Variants in POU2F1 observed in about 807,000 individuals in gnomAD.
POU2F1 encodes the protein POU class 2 homeobox 1, also known as POU domain, class 2, transcription factor 1.
A neutral mutation model predicts 84.9 loss-of-function variants in POU2F1; 16 were observed. The observed-to-expected ratio is 0.19, with a 90% CI of 0.13 to 0.29. The LOEUF is 0.29. Among genes scored for constraint, POU2F1 ranks in the 10% least tolerant of loss-of-function variants. The pLI is 1.00. For missense variants in POU2F1, 738 were observed against 942.6 expected, an observed-to-expected ratio of 0.78 and a Z score of 2.84; for synonymous variants, 368 against 368.3, an observed-to-expected ratio of 1.00 and a Z score of 0.01.
intron 1 of POU2F1, among the ~76,000 whole-genome samples, chr1:167,261,482 T>A (rs1651564710): frequency 6.6e-6 from 1 of 152,142 alleles, no homozygotes; most frequent in Non-Finnish European, 1.5e-5. Flanking sequence ...GAGCAAGATA[T>A]AGGGATAGAT....
At position 167,372,845 on chromosome 1, in the gene POU2F1, G is replaced by A. The variant is rs918556893; in HGVS notation, c.402+809G>A. On this transcript the variant is annotated intron_variant, in intron 5 of 15. Transcript: ENST00000367866. ...ATTTGTGTATTAAATTATCTTTGTG[G>A]GGGTTGGTTTAGGGCAATGGTAAGG... is the stretch of plus-strand genomic sequence containing the variant. Among the ~76,000 whole-genome samples the A allele has an allele frequency of 2.6e-5, 4 of 152,024 alleles. No homozygotes were observed. In the East Asian group the frequency reaches 5.8e-4, roughly 22 times the overall value.
intron 1 of POU2F1, among the ~76,000 whole-genome samples, chr1:167,225,029 G>C (rs1335246461): frequency 1.3e-5 from 2 of 151,738 alleles, no homozygotes; most frequent in East Asian, 3.9e-4. Flanking sequence ...GGGTTTCACC[G>C]TGTTGGCCAG....
At chr1:167,338,579 A>G (rs546218938) in intron 2 of POU2F1, among the ~76,000 whole-genome samples, 28 of 152,224 alleles carry the variant, frequency 1.8e-4, no homozygotes, top group Non-Finnish European at 3.7e-4. Context: ...GTATACTATC[A>G]CCAAAAAAGA....
chr1:167,268,386 CCTTT>C (rs1218700322), intron 1 of POU2F1, among the ~76,000 whole-genome samples: 3 of 152,062 alleles, frequency 2.0e-5, no homozygotes, highest in East Asian at 3.9e-4. Flanking sequence ...CTTTCATTTT[CCTTT>C]CTGTTTGTGT....
chr1:167,285,794 A>G (rs898379665), intron 1 of POU2F1, among the ~76,000 whole-genome samples: 2 of 152,052 alleles, frequency 1.3e-5, no homozygotes, highest in Middle Eastern at 3.2e-3. Context: ...GAAGCTGCAG[A>G]GTTGATTTAG....
rs766769125 is a variant in POU2F1, at chr1:167,374,317, G to T, written c.591+21G>T. 9 of 1,542,794 alleles carry T rather than the reference G, an allele frequency of 5.8e-6. No individual in the cohort carries two copies. The Admixed American group carries it at 1.7e-4, about 30-fold the overall frequency. On this transcript the variant is annotated intron_variant, in intron 6 of 15. Coordinates refer to ENST00000367866, the MANE Select transcript of POU2F1 (RefSeq NM_002697.4). Reference sequence around the variant, plus strand: ...CACAGGTGAGTGAGGAACTCCAATAGCTGGGGCAGCAAGTGAGGAATAAAG... The same window carrying T: ...CACAGGTGAGTGAGGAACTCCAATATCTGGGGCAGCAAGTGAGGAATAAAG...
intron 1 of POU2F1, among the ~76,000 whole-genome samples, chr1:167,302,517 A>T (rs980585342): frequency 6.6e-6 from 1 of 152,062 alleles, no homozygotes; most frequent in Non-Finnish European, 1.5e-5. Context: ...TTGGCCTCCC[A>T]AGGTACTAGG....
rs913914882 is a variant in POU2F1, at chr1:167,290,779, A to G, written c.62-41691A>G. On this transcript the variant is annotated intron_variant, in intron 1 of 15. Coordinates refer to ENST00000367866, the MANE Select transcript of POU2F1 (RefSeq NM_002697.4). ...TAATTTTGGCCAGGAGCAGGGGCTC[A>G]TGCCTGTAATCCCAACACTGGGAAG... 7.9e-5 allele frequency among the ~76,000 whole-genome samples: 12 copies of G among 152,366 alleles called. No individual in the cohort carries two copies. In the East Asian group the frequency reaches 1.7e-3, roughly 22 times the overall value.
intron 1 of POU2F1, among the ~76,000 whole-genome samples, chr1:167,247,615 T>TA: frequency 6.6e-6 from 1 of 152,292 alleles, no homozygotes; most frequent in African/African-American, 2.4e-5. Context: ...AGTTTTTTTT[T>TA]AAAATTCTGT....
At chr1:167,380,126 G>A (rs1038535402) in intron 7 of POU2F1, 2 of 152,164 alleles carry the variant, frequency 1.3e-5, no homozygotes, top group Non-Finnish European at 2.9e-5. Context: ...TAATGTAGTA[G>A]CAAAGAGCAT....
At chr1:167,333,312 A>G (rs2101731827) in intron 2 of POU2F1, among the ~76,000 whole-genome samples, 1 of 152,302 alleles carries the variant, frequency 6.6e-6, no homozygotes, top group South Asian at 2.1e-4. Flanking sequence ...GCCAGAGAGG[A>G]TACAGGGACT....
intron 10 of POU2F1, among the ~76,000 whole-genome samples, chr1:167,397,423 C>T (rs929349394): frequency 1.3e-5 from 2 of 152,152 alleles, no homozygotes; most frequent in Admixed American, 6.5e-5. Context: ...GAATAGTAAA[C>T]CTCTTCTGTC....
intron 1 of POU2F1, among the ~76,000 whole-genome samples, chr1:167,297,977 T>C (rs1571250566): frequency 6.6e-6 from 1 of 151,802 alleles, no homozygotes; most frequent in East Asian, 1.9e-4. Context: ...AAATACAAAA[T>C]TAGCTGGGTG....
intron 1 of POU2F1, among the ~76,000 whole-genome samples, chr1:167,255,258 T>G (rs966668287): frequency 1.3e-5 from 2 of 152,200 alleles, no homozygotes; most frequent in African/African-American, 4.8e-5. Flanking sequence ...GAAGTCCTAC[T>G]AGGTACCTCA....
In POU2F1 at chr1:167,418,079, T is replaced by G. The variant is rs1180174102; in HGVS notation, c.*2269T>G. On this transcript the variant is annotated 3_prime_UTR_variant, in exon 16 of 16. Coordinates refer to ENST00000367866, the MANE Select transcript of POU2F1 (RefSeq NM_002697.4). ...TTTATGTTTTGTTTTGTTTTTTAAC[T>G]AAGCTTGAACCAAAGTCAATTTTTA... The G allele has an allele frequency of 6.6e-6, 1 of 152,240 alleles. No homozygotes were observed. The highest frequency in any genetic ancestry group is 1.5e-5 in the Non-Finnish European group (1 of 68,046). The allele number at this position is 152,240 out of a possible 1,614,324, so 9.4% of individuals were successfully genotyped here. A position where few individuals can be genotyped will look rare whatever the true frequency, so the allele number is the denominator to read the frequency against.
At position 167,297,211 on chromosome 1, in the gene POU2F1, C is replaced by T. The variant is rs555805650; in HGVS notation, c.62-35259C>T. Among the ~76,000 whole-genome samples the T allele has an allele frequency of 3.5e-4, 53 of 152,320 alleles. No individual in the cohort carries two copies. The South Asian group carries it at 3.5e-3, about 10-fold the overall frequency. The stretch of plus-strand genomic sequence containing the variant: ...GAACACTGAAATAATCCTTAGTAAA[C>T]TCTGGTAACTCTAACTTGTGAACAC... On this transcript the variant is annotated intron_variant, in intron 1 of 15. Coordinates refer to ENST00000367866, the MANE Select transcript of POU2F1 (RefSeq NM_002697.4).
intron 2 of POU2F1, among the ~76,000 whole-genome samples, chr1:167,350,893 G>A (rs1658512188): frequency 6.6e-6 from 1 of 151,508 alleles, no homozygotes; most frequent in Admixed American, 6.6e-5. Context: ...AGCTACTAGG[G>A]AGGCTGAGAC....
At chr1:167,316,073 A>G (rs1486333556) in intron 1 of POU2F1, among the ~76,000 whole-genome samples, 2 of 152,204 alleles carry the variant, frequency 1.3e-5, no homozygotes, top group Non-Finnish European at 2.9e-5. Flanking sequence ...AGAAATAGCC[A>G]GAGGGATAGG....
chr1:167,257,017 A>G (rs2102420559), intron 1 of POU2F1, among the ~76,000 whole-genome samples: 1 of 152,160 alleles, frequency 6.6e-6, no homozygotes, highest in East Asian at 1.9e-4. Flanking sequence ...TTGTTCCTAA[A>G]TTTACAACAG....
Sources: allele counts gnomAD v4.1 joint callset (sites outside exome capture counted in the v4.1 genomes callset), GRCh38; gene constraint gnomAD v4.1.1; transcripts MANE v1.5; gene names NCBI Gene and HGNC (gene_info 2026-07-23, HGNC 2026-07-21).